Variants in USP34 observed in about 807,000 individuals in gnomAD.
The protein encoded by USP34 is ubiquitin carboxyl-terminal hydrolase 34.
USP34 carries 70 observed loss-of-function variants against 460.3 expected under a neutral mutation model. That is an observed-to-expected ratio of 0.15 (90% CI 0.13 to 0.19). The LOEUF (loss-of-function observed/expected upper bound fraction) is 0.19, where lower values mean the gene tolerates loss of function less well. Among genes scored for constraint, USP34 ranks in the 10% least tolerant of loss-of-function variants. The pLI is 1.00. For synonymous variants in USP34, 1,647 were observed against 1,405.3 expected, an observed-to-expected ratio of 1.17 and a Z score of -3.85; for missense variants, 3,985 against 4,236.2, an observed-to-expected ratio of 0.94 and a Z score of 1.65.
At chr2:61,384,133 T>A (rs897982245) in intron 5 of USP34, among the ~76,000 whole-genome samples, 1 of 152,212 alleles carries the variant, frequency 6.6e-6, no homozygotes, top group Non-Finnish European at 1.5e-5. Context: ...ACACACTGAT[T>A]ACAATATCAA....
Position 61,228,661 on chromosome 2 carries a change from G to T in USP34, c.7427C>A (p.Thr2476Lys), listed in dbSNP as rs755195458. The T allele has an allele frequency of 2.5e-6, 4 of 1,611,430 alleles. No individual in the cohort carries two copies. Among genetic ancestry groups the T allele is most frequent in the Non-Finnish European group, 3.4e-6 (4 of 1,178,984 alleles). ...TGTACTTACATTTTCAGGTCCTTTT[G>T]TTCCCATGTAAAAATGTACCATTGT... ...ISTMVHFYMG[T>K]KGPENPQVEV... Residue 2476 changes from threonine to lysine, a missense_variant, in exon 61 of 80, where the codon ACA becomes AAA. By Grantham distance (78) the Thr-to-Lys change is moderately conservative. Coordinates refer to ENST00000398571, the MANE Select transcript of USP34 (RefSeq NM_014709.4).
chr2:61,211,102 A>G (rs1687262154), intron 69 of USP34, among the ~76,000 whole-genome samples: 1 of 152,200 alleles, frequency 6.6e-6, no homozygotes, highest in South Asian at 2.1e-4. Flanking sequence ...TCCAAAGAAG[A>G]CAATCTGAAA....
At chr2:61,330,000 G>A (rs915314798) in intron 20 of USP34, among the ~76,000 whole-genome samples, 1 of 152,172 alleles carries the variant, frequency 6.6e-6, no homozygotes, top group Admixed American at 6.5e-5. Flanking sequence ...CTAAACTAGA[G>A]GTGGTTATAA....
chr2:61,421,534 G>C (rs958580688), intron 1 of USP34, among the ~76,000 whole-genome samples: 1 of 152,184 alleles, frequency 6.6e-6, no homozygotes, highest in Non-Finnish European at 1.5e-5. Context: ...AAACATAAGG[G>C]TCTTTGAAGC....
intron 62 of USP34, 54 bp downstream of exon 62, chr2:61,227,013 T>C: frequency 3.9e-6 from 6 of 1,536,638 alleles, no homozygotes; most frequent in Non-Finnish European, 5.2e-6. Flanking sequence ...AACAATTATG[T>C]AAAAATAATA....
chr2:61,363,296 T>G (rs1168608775), intron 10 of USP34, among the ~76,000 whole-genome samples: 1 of 152,180 alleles, frequency 6.6e-6, no homozygotes, highest in South Asian at 2.1e-4. Context: ...GCAAAACAAT[T>G]TGGTGCCTTC....
chr2:61,375,841 G>A (rs920524870), intron 8 of USP34, among the ~76,000 whole-genome samples: 7 of 150,580 alleles, frequency 4.6e-5, no homozygotes, highest in African/African-American at 1.7e-4. Flanking sequence ...ATCAAGTGTG[G>A]TATATCTATA....
chr2:61,285,945 T>C (rs1689676928), intron 34 of USP34, among the ~76,000 whole-genome samples: 1 of 152,212 alleles, frequency 6.6e-6, no homozygotes, highest in Non-Finnish European at 1.5e-5. Context: ...GAAGGCATTC[T>C]GTGCACATAC....
In USP34 at chr2:61,190,394, A is replaced by G. The variant is rs1234168112; in HGVS notation, c.9750T>C (p.Ser3250=). 1 of 1,608,954 alleles carries G rather than the reference A, an allele frequency of 6.2e-7. No homozygotes were observed. The highest frequency in any genetic ancestry group is 1.1e-5 in the South Asian group (1 of 89,522). Residue 3250 remains serine, a synonymous_variant, in exon 78 of 80, where the codon TCT becomes TCC. Transcript: ENST00000398571. ...FLLKVQSQVF[S]EANCANLIST... is the part of the protein sequence containing the mutation. Reference sequence around the variant, plus strand: ...TGATCAAATTGGCACAGTTTGCTTCAGAAAACACTTGACTTTGAACCTGAA... The same window carrying G: ...TGATCAAATTGGCACAGTTTGCTTCGGAAAACACTTGACTTTGAACCTGAA...
At chr2:61,349,468 G>A (rs1691876208) in intron 12 of USP34, among the ~76,000 whole-genome samples, 183 bp from the exon 13 acceptor site, 1 of 152,034 alleles carries the variant, frequency 6.6e-6, no homozygotes, top group Non-Finnish European at 1.5e-5. Context: ...CTAAGAGAGG[G>A]GTAGTATATG....
chr2:61,190,105 A>T (rs1686587163), intron 78 of USP34, 166 bp downstream of exon 78: 3 of 806,950 alleles, frequency 3.7e-6, no homozygotes, highest in Non-Finnish European at 5.6e-6. Context: ...TGCTGTGTAC[A>T]TACAAGGCAT....
intron 18 of USP34, 130 bp from the exon 19 acceptor site, chr2:61,334,101 A>T: frequency 3.6e-6 from 2 of 557,852 alleles, no homozygotes; most frequent in Non-Finnish European, 2.9e-6. Flanking sequence ...CAAACATTAA[A>T]CTTTTTTTCT....
intron 3 of USP34, among the ~76,000 whole-genome samples, chr2:61,400,110 A>AT (rs70963424): frequency 0.014 from 1,917 of 141,698 alleles, 25 homozygotes; most frequent in Middle Eastern, 0.042. Flanking sequence ...AGGAAAGGCA[A>AT]TTTTTTTTTT....
intron 76 of USP34, among the ~76,000 whole-genome samples, chr2:61,192,595 C>T (rs886545481): frequency 6.6e-6 from 1 of 152,188 alleles, no homozygotes; most frequent in Non-Finnish European, 1.5e-5. Context: ...TGCCTTTTCC[C>T]CCACTATCTC....
chr2:61,375,752 G>C (rs545996225), intron 8 of USP34, among the ~76,000 whole-genome samples: 2 of 109,014 alleles, frequency 1.8e-5, no homozygotes, highest in Non-Finnish European at 3.4e-5. Context: ...CTGGGTGACA[G>C]ACCAAGACTC....
intron 5 of USP34, among the ~76,000 whole-genome samples, chr2:61,391,105 G>A (rs1416682137): frequency 2.7e-5 from 4 of 150,942 alleles, no homozygotes; most frequent in Admixed American, 6.6e-5. Flanking sequence ...AAAAAAAAAC[G>A]AAAAAATAAC....
At chr2:61,385,172 G>A (rs1397801079) in intron 5 of USP34, among the ~76,000 whole-genome samples, 1 of 152,006 alleles carries the variant, frequency 6.6e-6, no homozygotes, top group Non-Finnish European at 1.5e-5. Context: ...GTGTCTAGGA[G>A]TAATCTAACA....
intron 41 of USP34, among the ~76,000 whole-genome samples, chr2:61,274,791 G>T (rs1458717779): frequency 6.6e-6 from 1 of 152,100 alleles, no homozygotes; most frequent in Non-Finnish European, 1.5e-5. Flanking sequence ...CAGTTAACTT[G>T]GTTTTCGTTT....
At chr2:61,433,269 G>T (rs1009372718) in intron 1 of USP34, among the ~76,000 whole-genome samples, 1 of 152,166 alleles carries the variant, frequency 6.6e-6, no homozygotes, top group African/African-American at 2.4e-5. Flanking sequence ...ACTTCCTGAT[G>T]CAGGGAAAAA....
Sources: allele counts gnomAD v4.1 joint callset (sites outside exome capture counted in the v4.1 genomes callset), GRCh38; gene constraint gnomAD v4.1.1; transcripts MANE v1.5; gene names NCBI Gene and HGNC (gene_info 2026-07-23, HGNC 2026-07-21).